AAK1: variants seen among roughly 807,000 people sequenced by gnomAD.
AAK1 encodes the protein AP2-associated protein kinase 1.
AAK1 carries 37 observed loss-of-function variants against 116.0 expected under a neutral mutation model. The observed-to-expected ratio is 0.32, with a 90% CI of 0.25 to 0.42. AAK1 has a LOEUF of 0.42. Among genes scored for constraint, AAK1 ranks in the 10% least tolerant of loss-of-function variants. The pLI is 1.00. For missense variants in AAK1, 919 were observed against 1,170.6 expected, an observed-to-expected ratio of 0.79 and a Z score of 3.14; for synonymous variants, 458 against 439.9, an observed-to-expected ratio of 1.04 and a Z score of -0.51.
chr2:69,590,013 G>GAATA (rs926410997), intron 2 of AAK1, among the ~76,000 whole-genome samples: 1 of 152,098 alleles, frequency 6.6e-6, no homozygotes, highest in Non-Finnish European at 1.5e-5. Flanking sequence ...CCAGGCCAGG[G>GAATA]AATAAGTCAA....
Position 69,465,545 on chromosome 2 carries a change from G to C in AAK1, c.*10324C>G, listed in dbSNP as rs1443076817. On this transcript the variant is annotated 3_prime_UTR_variant, in exon 22 of 22. Transcript: ENST00000409085. ...AAACAGACCCAGCTATCGACTGCTTGTTGGTTTGTGAAACAATTTTGTAGG... is the reference window on the plus strand; with the variant it reads ...AAACAGACCCAGCTATCGACTGCTTCTTGGTTTGTGAAACAATTTTGTAGG... 1 of 1,290,836 alleles carries C rather than the reference G, an allele frequency of 7.7e-7. No individual in the cohort carries two copies. The highest frequency in any genetic ancestry group is 1.0e-6 in the Non-Finnish European group (1 of 988,882). 80.0% of individuals were successfully genotyped at this position (1,290,836 alleles called of 1,614,324 possible). A position where few individuals can be genotyped will look rare whatever the true frequency, so the allele number is the denominator to read the frequency against.
chr2:69,642,856 G>A, intron 2 of AAK1, 22 bp downstream of exon 2: 4 of 1,613,352 alleles, frequency 2.5e-6, no homozygotes, highest in Non-Finnish European at 2.5e-6. Flanking sequence ...TTTAATTTAC[G>A]GCGCATTGAG....
At chr2:69,576,236 C>T (rs1411849037) in intron 2 of AAK1, among the ~76,000 whole-genome samples, 1 of 152,134 alleles carries the variant, frequency 6.6e-6, no homozygotes, top group Non-Finnish European at 1.5e-5. Context: ...ATACAATATA[C>T]AATGATTGAC....
intron 2 of AAK1, among the ~76,000 whole-genome samples, chr2:69,614,296 G>A (rs1259748681): frequency 6.6e-6 from 1 of 152,164 alleles, no homozygotes; most frequent in Admixed American, 6.5e-5. Flanking sequence ...AAGGAGAAAG[G>A]GAAGAGGAAA....
chr2:69,531,314 A>G (rs1670244897), intron 6 of AAK1, among the ~76,000 whole-genome samples: 1 of 152,236 alleles, frequency 6.6e-6, no homozygotes, highest in Non-Finnish European at 1.5e-5. Context: ...CAGATGGGAC[A>G]CGTCTAGGCA....
In AAK1 at chr2:69,505,732, A is replaced by G. The variant is rs1676158443; in HGVS notation, c.2165-59T>C. On this transcript the variant is annotated intron_variant, in intron 15 of 21. Coordinates refer to ENST00000409085, the MANE Select transcript of AAK1 (RefSeq NM_014911.5). ...GCAGAATCTTGCGAGGCACACACAC[A>G]TGGCAGAGGTAAGGGGCATTCTCTG... 9.7e-6 allele frequency: 13 copies of G among 1,343,422 alleles called. 1 individual carries two copies. The highest frequency in any genetic ancestry group is 3.7e-5 in the South Asian group (3 of 81,910). The allele number at this position is 1,343,422 out of a possible 1,614,324, so 83.2% of individuals were successfully genotyped here. A position where few individuals can be genotyped will look rare whatever the true frequency, so the allele number is the denominator to read the frequency against.
chr2:69,514,203 A>G (rs1676494768), intron 13 of AAK1, among the ~76,000 whole-genome samples: 1 of 152,198 alleles, frequency 6.6e-6, no homozygotes, highest in South Asian at 2.1e-4. Flanking sequence ...TGATGAACAG[A>G]TCTTCCTGCT....
At chr2:69,638,042 C>A (rs182768115) in intron 2 of AAK1, among the ~76,000 whole-genome samples, 1 of 152,354 alleles carries the variant, frequency 6.6e-6, no homozygotes, top group African/African-American at 2.4e-5. Flanking sequence ...CAACCGTCAT[C>A]ATGCCCAAAG....
rs1558882090 is a variant in AAK1, at chr2:69,465,875, C to T, written c.*9994G>A. 5 of 1,290,702 alleles carry T rather than the reference C, an allele frequency of 3.9e-6. No homozygotes were observed. Among genetic ancestry groups the T allele is most frequent in the East Asian group, 5.6e-5 (1 of 18,010 alleles). The allele number at this position is 1,290,702 out of a possible 1,614,324, so 80.0% of individuals were successfully genotyped here. On this transcript the variant is annotated 3_prime_UTR_variant, in exon 22 of 22. Transcript: ENST00000409085. ...AGGTGTACACAGCTCTCTCACGGCC[C>T]GCGGGCAGGGGGACATCACCTGTCT...
In AAK1 at chr2:69,537,367, T is replaced by C. The variant is rs140175318; in HGVS notation, c.534+5156A>G. 6.0e-3 allele frequency among the ~76,000 whole-genome samples: 920 copies of C among 152,322 alleles called. 8 individuals are homozygous for C. The highest frequency in any genetic ancestry group is 0.021 in the African/African-American group (891 of 41,570). ...ACTTTCAGTTTATTTCCTCTGTCAC[T>C]GGAAAGAAAGGCTGCACAGGCAGTA... On this transcript the variant is annotated intron_variant, in intron 5 of 21. Coordinates refer to ENST00000409085, the MANE Select transcript of AAK1 (RefSeq NM_014911.5).
At chr2:69,557,769 G>A (rs1671447895) in intron 2 of AAK1, among the ~76,000 whole-genome samples, 1 of 152,130 alleles carries the variant, frequency 6.6e-6, no homozygotes, top group Non-Finnish European at 1.5e-5. Context: ...TACCAGAGAG[G>A]CTAGGAAATT....
chr2:69,619,910 C>A (rs1002153888), intron 2 of AAK1, among the ~76,000 whole-genome samples: 1 of 152,116 alleles, frequency 6.6e-6, no homozygotes, highest in African/African-American at 2.4e-5. Context: ...AACGGTGGGG[C>A]AGAGCATAGC....
chr2:69,482,717 C>G lies in AAK1; in HGVS notation c.2461G>C (p.Val821Leu). The G allele has an allele frequency of 6.2e-7, 1 of 1,605,368 alleles. No homozygotes were observed. The highest frequency in any genetic ancestry group is 1.1e-5 in the South Asian group (1 of 90,880). ...TDPFGSTSDA[V>L]IEKADVAVES... ...ACAGAGATGATGACTTTACCAATTA[C>G]AGCATCAGAAGTGCTACCAAAAGGA... The change falls in exon 18 of 22, where the codon GTA (valine) becomes CTA (leucine). Residue 821 changes from valine (V) to leucine (L), a missense_variant. This residue lies in a region of AAK1 where 263 missense variants were observed against 285.5 expected (regional missense o/e 0.92). Coordinates refer to ENST00000409085, the MANE Select transcript of AAK1 (RefSeq NM_014911.5).
chr2:69,623,527 CTGAA>C (rs1318858384), intron 2 of AAK1, among the ~76,000 whole-genome samples: 2 of 152,270 alleles, frequency 1.3e-5, no homozygotes, highest in East Asian at 1.9e-4. Context: ...CTGAAAAACT[CTGAA>C]TGGAGGGCTG....
At chr2:69,521,055 C>G in intron 10 of AAK1, 67 bp from the exon 11 acceptor site, 1 of 1,552,894 alleles carries the variant, frequency 6.4e-7, no homozygotes, top group East Asian at 2.3e-5. Flanking sequence ...GGGCAGAGGA[C>G]ACAATGCTTC....
chr2:69,507,231 C>A (rs1676220877), intron 15 of AAK1, among the ~76,000 whole-genome samples, 190 bp downstream of exon 15: 1 of 152,208 alleles, frequency 6.6e-6, no homozygotes, highest in South Asian at 2.1e-4. Flanking sequence ...AAGATGAGGA[C>A]TTCAGGGCCC....
At chr2:69,596,954 C>A (rs1468966050) in intron 2 of AAK1, among the ~76,000 whole-genome samples, 1 of 151,686 alleles carries the variant, frequency 6.6e-6, no homozygotes, top group Non-Finnish European at 1.5e-5. Context: ...GTTACCAGTG[C>A]CTGTGTTTAG....
At position 69,482,861 on chromosome 2, in the gene AAK1, T is replaced by C. The variant is rs750128573; in HGVS notation, c.2366-49A>G. ...AGAAAGCAAAAATGTAGTAAGATAT[T>C]AAAGCCAGCGGATCATTCACTATTC... On this transcript the variant is annotated intron_variant, in intron 17 of 21. Transcript: ENST00000409085. The C allele has an allele frequency of 7.6e-6, 9 of 1,178,106 alleles. No individual in the cohort carries two copies. The South Asian group carries it at 1.1e-4, about 15-fold the overall frequency. The allele number at this position is 1,178,106 out of a possible 1,614,324, so 73.0% of individuals were successfully genotyped here.
chr2:69,498,366 T>C (rs780399974), intron 16 of AAK1, among the ~76,000 whole-genome samples: 15 of 152,262 alleles, frequency 9.9e-5, no homozygotes, highest in Admixed American at 5.9e-4. Flanking sequence ...TGTCTCTGAA[T>C]CTTGGTCTCT....
Sources: gnomAD v4.1 joint callset for allele counts (sites outside exome capture counted in the v4.1 genomes callset) on GRCh38, gnomAD v4.1.1 for gene constraint, gnomAD v4.1.1 regional missense constraint, MANE v1.5 for transcripts, NCBI Gene and HGNC (gene_info 2026-07-23, HGNC 2026-07-21) for gene names.